EFNA5: variants seen among roughly 807,000 people sequenced by gnomAD.
The protein encoded by EFNA5 is ephrin-A5.
A neutral mutation model predicts 22.9 loss-of-function variants in EFNA5; 5 were observed. The observed-to-expected ratio is 0.22, with a 90% confidence interval of 0.11 to 0.46. The LOEUF (loss-of-function observed/expected upper bound fraction) is 0.46, where lower values mean the gene tolerates loss of function less well. Ranked by LOEUF, EFNA5 falls within the 20% of genes least tolerant of loss-of-function variation. The pLI, the probability that EFNA5 is intolerant of heterozygous loss-of-function variation, is 0.99. For synonymous variants in EFNA5, 113 were observed against 112.2 expected, an observed-to-expected ratio of 1.01 and a Z score of -0.04; for missense variants, 237 against 293.3, an observed-to-expected ratio of 0.81 and a Z score of 1.40.
intron 2 of EFNA5, among the ~76,000 whole-genome samples, chr5:107,416,959 T>G (rs1325926264): frequency 1.3e-5 from 2 of 152,142 alleles, no homozygotes; most frequent in African/African-American, 2.4e-5. Context: ...TAGTCAGAAT[T>G]TGTAACAATT....
At chr5:107,483,508 C>T (rs1458717200) in intron 1 of EFNA5, among the ~76,000 whole-genome samples, 4 of 152,096 alleles carry the variant, frequency 2.6e-5, no homozygotes, top group Non-Finnish European at 4.4e-5. Flanking sequence ...AAGAATAGAG[C>T]CTGGATAAAT....
At chr5:107,421,404 T>C (rs1300791216) in intron 2 of EFNA5, among the ~76,000 whole-genome samples, 2 of 152,210 alleles carry the variant, frequency 1.3e-5, no homozygotes, top group South Asian at 2.1e-4. Context: ...CATTAAAACA[T>C]ACTAATTCCT....
At chr5:107,516,134 A>G (rs1747472458) in intron 1 of EFNA5, among the ~76,000 whole-genome samples, 1 of 151,668 alleles carries the variant, frequency 6.6e-6, no homozygotes, top group Non-Finnish European at 1.5e-5. Flanking sequence ...CCTCCTAAGT[A>G]GCTAGGACCA....
intron 1 of EFNA5, among the ~76,000 whole-genome samples, chr5:107,649,833 G>A (rs1396740871): frequency 6.6e-6 from 1 of 152,088 alleles, no homozygotes; most frequent in Non-Finnish European, 1.5e-5. Flanking sequence ...AATCATCACA[G>A]TAACTCTATC....
intron 1 of EFNA5, among the ~76,000 whole-genome samples, chr5:107,510,012 C>T (rs895930773): frequency 6.6e-6 from 1 of 152,156 alleles, no homozygotes; most frequent in African/African-American, 2.4e-5. Context: ...TAAAATGAGG[C>T]TGAGAGCTAC....
Position 107,379,138 on chromosome 5 carries a change from C to T in EFNA5, c.*2117G>A, listed in dbSNP as rs545060169. The stretch of plus-strand genomic sequence containing the variant: ...AAGACTCTGCCACTCCAGAGGAGTT[C>T]CTTATGTCAGAGGGGAATAGGATTG... On this transcript the variant is annotated 3_prime_UTR_variant, in exon 5 of 5. Transcript: ENST00000333274. The T allele has an allele frequency of 3.9e-5, 6 of 152,202 alleles. No homozygotes were observed. The East Asian group carries it at 1.2e-3, about 29-fold the overall frequency. 9.4% of individuals were successfully genotyped at this position (152,202 alleles called of 1,614,324 possible). A position where few individuals can be genotyped will look rare whatever the true frequency, so the allele number is the denominator to read the frequency against.
chr5:107,602,027 T>C (rs1390017054), intron 1 of EFNA5, among the ~76,000 whole-genome samples: 1 of 152,178 alleles, frequency 6.6e-6, no homozygotes. Context: ...ATACTAACAA[T>C]GAGCATTACT....
chr5:107,445,488 T>C (rs562551839), intron 1 of EFNA5, among the ~76,000 whole-genome samples: 1 of 152,202 alleles, frequency 6.6e-6, no homozygotes, highest in Non-Finnish European at 1.5e-5. Context: ...CCAGTGAGAA[T>C]CTGATCTGTT....
intron 1 of EFNA5, among the ~76,000 whole-genome samples, chr5:107,602,159 A>G (rs1331676361): frequency 6.6e-6 from 1 of 152,240 alleles, no homozygotes; most frequent in Non-Finnish European, 1.5e-5. Flanking sequence ...AAGCAAAAAC[A>G]TGTTTCATAT....
chr5:107,666,611 T>A (rs949270071), intron 1 of EFNA5, among the ~76,000 whole-genome samples: 3 of 152,176 alleles, frequency 2.0e-5, no homozygotes, highest in Non-Finnish European at 4.4e-5. Context: ...TTTAAATTGA[T>A]GATACTCAAA....
intron 1 of EFNA5, among the ~76,000 whole-genome samples, chr5:107,518,647 G>A (rs1747532672): frequency 6.6e-6 from 1 of 151,964 alleles, no homozygotes; most frequent in Admixed American, 6.6e-5. Flanking sequence ...AGGTACCACT[G>A]TAGCCATTTC....
Position 107,380,705 on chromosome 5 carries a change from A to G in EFNA5, c.*550T>C. ...GAAGCCTGTTCATTTACATACTCCT[A>G]TAGGAAATGGTGTAATATCGTATCT... On this transcript the variant is annotated 3_prime_UTR_variant, in exon 5 of 5. Coordinates refer to ENST00000333274, the MANE Select transcript of EFNA5 (RefSeq NM_001962.3). 2.5e-6 allele frequency: 1 copy of G among 398,100 alleles called. No homozygotes were observed. The highest frequency in any genetic ancestry group is 3.6e-5 in the East Asian group (1 of 28,030). 24.7% of individuals were successfully genotyped at this position (398,100 alleles called of 1,614,324 possible).
intron 1 of EFNA5, among the ~76,000 whole-genome samples, chr5:107,440,407 T>G (rs2112435039): frequency 6.6e-6 from 1 of 152,332 alleles, no homozygotes; most frequent in South Asian, 2.1e-4. Context: ...AAAAGAACTA[T>G]AGTTCAAAGG....
intron 1 of EFNA5, among the ~76,000 whole-genome samples, chr5:107,616,538 T>C (rs1474044674): frequency 1.3e-5 from 2 of 152,178 alleles, no homozygotes; most frequent in East Asian, 3.9e-4. Context: ...ATAAAGTCCA[T>C]GCACATTCTT....
intron 1 of EFNA5, among the ~76,000 whole-genome samples, chr5:107,659,611 G>C (rs1449958035): frequency 6.7e-6 from 1 of 148,700 alleles, no homozygotes; most frequent in Non-Finnish European, 1.5e-5. Flanking sequence ...GCAATAGAGA[G>C]ATTTACATAA....
At chr5:107,665,083 G>T (rs1336324042) in intron 1 of EFNA5, among the ~76,000 whole-genome samples, 6 of 152,032 alleles carry the variant, frequency 3.9e-5, no homozygotes, top group African/African-American at 1.4e-4. Flanking sequence ...CTCATATTTT[G>T]TTCATTTTTA....
chr5:107,629,634 C>A (rs1029771202), intron 1 of EFNA5, among the ~76,000 whole-genome samples: 1 of 152,228 alleles, frequency 6.6e-6, no homozygotes, highest in Non-Finnish European at 1.5e-5. Context: ...TCTGTACCTT[C>A]TGTTCAATTT....
At chr5:107,404,913 T>TA (rs1310747983) in intron 2 of EFNA5, among the ~76,000 whole-genome samples, 1 of 152,240 alleles carries the variant, frequency 6.6e-6, no homozygotes, top group Non-Finnish European at 1.5e-5. Context: ...AGACATGCCC[T>TA]ATGCATATTT....
intron 1 of EFNA5, among the ~76,000 whole-genome samples, chr5:107,495,750 A>G (rs1442122509): frequency 1.3e-5 from 2 of 152,110 alleles, no homozygotes; most frequent in Non-Finnish European, 2.9e-5. Flanking sequence ...TTAAAAATAC[A>G]TTTCCAAGCA....
Sources: gnomAD v4.1 joint callset for allele counts (sites outside exome capture counted in the v4.1 genomes callset) on GRCh38, gnomAD v4.1.1 for gene constraint, MANE v1.5 for transcripts, NCBI Gene and HGNC (gene_info 2026-07-23, HGNC 2026-07-21) for gene names.